Variants in SMG5 observed in about 807,000 individuals in gnomAD.
SMG5 encodes SMG5 nonsense mediated mRNA decay factor, also known as nonsense-mediated mRNA decay factor SMG5.
A neutral mutation model predicts 122.9 loss-of-function variants in SMG5; 53 were observed. The ratio of observed to expected loss-of-function variants is 0.43; its 90% confidence interval spans 0.35 to 0.54. The LOEUF is 0.54. SMG5 is among the 20% of genes least tolerant of loss of function. The pLI is 0.01. For missense variants in SMG5, 1,153 were observed against 1,285.6 expected (o/e 0.90, Z 1.58); for synonymous variants, 477 against 490.2 (o/e 0.97, Z 0.35).
intron 4 of SMG5, 138 bp from the exon 5 acceptor site, chr1:156,274,824 T>C: frequency 1.5e-6 from 1 of 668,902 alleles, no homozygotes; most frequent in South Asian, 1.6e-5. Flanking sequence ...AGAGACACAC[T>C]CATCCAGGAC....
chr1:156,276,352 C>T lies in SMG5; in HGVS notation c.454+733G>A, dbSNP rs540504900. 7.2e-5 allele frequency among the ~76,000 whole-genome samples: 11 copies of T among 152,220 alleles called. 1 individual carries two copies. The East Asian group carries it at 2.1e-3, about 29-fold the overall frequency. On this transcript the variant is annotated intron_variant, in intron 4 of 21. Coordinates refer to ENST00000361813, the MANE Select transcript of SMG5 (RefSeq NM_015327.3). ...ATGTTGGCTAGGCTGGTCTCAAACT[C>T]CTGACCTCAGGTGATCCACCTGCCT...
intron 1 of SMG5, 59 bp downstream of exon 1, chr1:156,282,548 G>A: frequency 8.3e-7 from 1 of 1,211,854 alleles, no homozygotes; most frequent in Non-Finnish European, 1.1e-6. Flanking sequence ...GGGAGGCCCC[G>A]CCCCTCGCCG....
At chr1:156,270,438 T>C (rs1362267763) in intron 7 of SMG5, among the ~76,000 whole-genome samples, 1 of 152,196 alleles carries the variant, frequency 6.6e-6, no homozygotes, top group Non-Finnish European at 1.5e-5. Context: ...CCAGATATAT[T>C]AGACCTTCCG....
At chr1:156,253,547 A>G in intron 16 of SMG5, 39 bp from the exon 17 acceptor site, 1 of 1,598,768 alleles carries the variant, frequency 6.3e-7, no homozygotes, top group Non-Finnish European at 8.6e-7. Context: ...GTTGGGGTGT[A>G]TTTTCCCTTC....
In SMG5 at chr1:156,251,548, T is replaced by C. The variant is rs1371261302; in HGVS notation, c.2754-71A>G. ...AGGGTGCCTTACACAAAGCAGTCTG[T>C]TGTGGCTCTGGGGGCCTGGTTTTGC... On this transcript the variant is annotated intron_variant, in intron 19 of 21. Transcript: ENST00000361813. 5.9e-6 allele frequency: 9 copies of C among 1,524,076 alleles called. No individual in the cohort carries two copies. The East Asian group carries it at 1.1e-4, about 19-fold the overall frequency. The allele number at this position is 1,524,076 out of a possible 1,614,324, so 94.4% of individuals were successfully genotyped here.
Position 156,266,647 on chromosome 1 carries a change from G to A in SMG5, c.1149C>T (p.Phe383=), listed in dbSNP as rs1390595773. The A allele has an allele frequency of 6.2e-7, 1 of 1,614,192 alleles. No homozygotes were observed. Among genetic ancestry groups the A allele is most frequent in the Non-Finnish European group, 8.5e-7 (1 of 1,180,034 alleles). Residue 383 remains phenylalanine (F), a synonymous_variant, in exon 11 of 22, where the codon TTC becomes TTT. Coordinates refer to ENST00000361813, the MANE Select transcript of SMG5 (RefSeq NM_015327.3). ...CGAGGTGGGAAAAGAGGGCCAGGGT[G>A]AAGGCAATGGCTGCACTGTACTGCT... The part of the protein sequence containing the change: ...GSKQYSAAIA[F]TLALFSHLVN...
In SMG5 at chr1:156,273,443, A is replaced by G. The variant is rs755093289; in HGVS notation, c.552T>C (p.Tyr184=). 5.6e-6 allele frequency: 9 copies of G among 1,613,798 alleles called. No individual in the cohort carries two copies. Among genetic ancestry groups the G allele is most frequent in the African/African-American group, 1.3e-5 (1 of 74,880 alleles). ...CLVYLGDLSR[Y]QNELAGVDTE... ...TATCTACGCCAGCTAATTCATTCTG[A>G]TATCGGGCTGCACAAGAGAGAAAAC... Residue 184 remains tyrosine, a synonymous_variant, in exon 6 of 22, where the codon TAT becomes TAC. Coordinates refer to ENST00000361813, the MANE Select transcript of SMG5 (RefSeq NM_015327.3).
chr1:156,289,590 C>T, the SMG5 span, among the ~76,000 whole-genome samples: 27 of 152,114 alleles, frequency 1.8e-4, no homozygotes, highest in African/African-American at 6.3e-4. Context: ...CCAGCCTGGG[C>T]GACAGAGCGA....
At chr1:156,260,866 A>G (rs1661793452) in intron 14 of SMG5, among the ~76,000 whole-genome samples, 1 of 152,232 alleles carries the variant, frequency 6.6e-6, no homozygotes, top group African/African-American at 2.4e-5. Context: ...GCTTCCTGAC[A>G]GCAGGGACAA....
At chr1:156,276,309 T>G (rs1413455561) in intron 4 of SMG5, among the ~76,000 whole-genome samples, 1 of 152,058 alleles carries the variant, frequency 6.6e-6, no homozygotes, top group African/African-American at 2.4e-5. Context: ...ATATTTTTAA[T>G]AGAGATGGAG....
chr1:156,265,759 G>A, intron 12 of SMG5, 22 bp downstream of exon 12: 7 of 1,606,806 alleles, frequency 4.4e-6, no homozygotes, highest in African/African-American at 1.3e-5. Flanking sequence ...ACCAGAACAG[G>A]ATGATGAAGT....
intron 4 of SMG5, among the ~76,000 whole-genome samples, chr1:156,276,447 A>T (rs1488255657): frequency 1.3e-5 from 2 of 152,150 alleles, no homozygotes; most frequent in African/African-American, 4.8e-5. Context: ...TAAATGCATA[A>T]AACACAGGTG....
At chr1:156,262,450 T>A (rs1288153664) in intron 13 of SMG5, among the ~76,000 whole-genome samples, 4 of 127,918 alleles carry the variant, frequency 3.1e-5, no homozygotes, top group Non-Finnish European at 6.2e-5. Context: ...CACTCCAGCC[T>A]GGGCGACAGA....
At chr1:156,291,382 T>C in the SMG5 span, 3 of 1,613,940 alleles carry the variant, frequency 1.9e-6, no homozygotes, top group Non-Finnish European at 2.5e-6. Context: ...CTTGCCCCCA[T>C]AGGCTGATCT....
chr1:156,256,513 A>T (rs1047140355), intron 16 of SMG5, among the ~76,000 whole-genome samples: 1 of 152,046 alleles, frequency 6.6e-6, no homozygotes, highest in Non-Finnish European at 1.5e-5. Flanking sequence ...AGTTGCTTTT[A>T]GACTAAAATG....
the SMG5 span, among the ~76,000 whole-genome samples, chr1:156,288,537 C>T: frequency 5.3e-5 from 8 of 151,992 alleles, no homozygotes; most frequent in African/African-American, 1.9e-4. Flanking sequence ...AGGGTTTCAA[C>T]ATGTTGGCCA....
At chr1:156,274,227 T>C (rs1479411679) in intron 5 of SMG5, among the ~76,000 whole-genome samples, 1 of 152,232 alleles carries the variant, frequency 6.6e-6, no homozygotes, top group African/African-American at 2.4e-5. Context: ...TAAGTCCTCC[T>C]TGATGTCTAA....
rs1311592036 is a variant in SMG5 at position 156,260,607 on chromosome 1, C to T, written c.2127G>A (p.Glu709=). 1 of 1,514,028 alleles carries T rather than the reference C, an allele frequency of 6.6e-7. No individual in the cohort carries two copies. Among genetic ancestry groups the T allele is most frequent in the South Asian group, 1.3e-5 (1 of 74,700 alleles). The allele number at this position is 1,514,028 out of a possible 1,614,324, so 93.8% of individuals were successfully genotyped here. Residue 709 remains glutamate (E), a synonymous_variant, in exon 15 of 22, where the codon GAG becomes GAA. Transcript: ENST00000361813. The part of the protein sequence containing the change: ...LQESGLALCP[E]VQDLLEGCEL... ...CACAACCTTCAAGAAGATCTTGGAC[C>T]TCAGGACACAAGGCCAGGCCTGGGC... is the stretch of plus-strand genomic sequence containing the variant.
At chr1:156,286,181 G>C, upstream of SMG5, 1 of 1,474,666 alleles carries the variant, frequency 6.8e-7, no homozygotes, top group Non-Finnish European at 9.4e-7. Flanking sequence ...TGCCCACAGT[G>C]AATCTGCCCC....
Sources: allele counts gnomAD v4.1 joint callset (sites outside exome capture counted in the v4.1 genomes callset), GRCh38; gene constraint gnomAD v4.1.1; transcripts MANE v1.5; gene names NCBI Gene and HGNC (gene_info 2026-07-23, HGNC 2026-07-21).